CDH18: variants seen among roughly 807,000 people sequenced by gnomAD.
CDH18 encodes cadherin 18, also known as cadherin-18.
In CDH18, 31 loss-of-function variants were observed where a neutral mutation model predicts 67.9. The ratio of observed to expected loss-of-function variants is 0.46; its 90% CI spans 0.34 to 0.62. The LOEUF (loss-of-function observed/expected upper bound fraction) is 0.62. Among genes scored for constraint, CDH18 ranks in the 20% least tolerant of loss-of-function variants. CDH18 has a pLI of 0.01. For missense variants in CDH18, 890 were observed against 975.5 expected (o/e 0.91, Z 1.17); for synonymous variants, 362 against 347.2 (o/e 1.04, Z -0.48).
chr5:19,575,310 T>C (rs551509613), intron 7 of CDH18, among the ~76,000 whole-genome samples: 14 of 152,180 alleles, frequency 9.2e-5, no homozygotes, highest in Admixed American at 9.2e-4. Flanking sequence ...TATTCCAACA[T>C]TCACCATGGT....
At chr5:20,286,373 A>C (rs189474804) in intron 1 of CDH18, among the ~76,000 whole-genome samples, 144 of 151,746 alleles carry the variant, frequency 9.5e-4, no homozygotes, top group African/African-American at 3.3e-3. Context: ...AATAATAACC[A>C]CTTATATGTT....
chr5:20,566,806 C>T (rs1402257819), intron 1 of CDH18, among the ~76,000 whole-genome samples: 2 of 151,974 alleles, frequency 1.3e-5, no homozygotes, highest in African/African-American at 4.8e-5. Context: ...ATCACCATTA[C>T]GAACAAAGAG....
intron 1 of CDH18, among the ~76,000 whole-genome samples, chr5:20,438,201 G>T (rs565879641): frequency 6.7e-6 from 1 of 149,820 alleles, no homozygotes. Context: ...AATGAATTTT[G>T]TATAGAGTCA....
intron 2 of CDH18, among the ~76,000 whole-genome samples, chr5:19,910,459 T>C (rs1342777612): frequency 6.6e-6 from 1 of 152,172 alleles, no homozygotes; most frequent in Non-Finnish European, 1.5e-5. Context: ...TTTCAGAATT[T>C]AGCTCTATTC....
At chr5:19,531,548 G>T (rs1348332376) in intron 9 of CDH18, among the ~76,000 whole-genome samples, 1 of 151,832 alleles carries the variant, frequency 6.6e-6, no homozygotes, top group Non-Finnish European at 1.5e-5. Context: ...CTCGAACATG[G>T]TATTTTGTTT....
intron 8 of CDH18, among the ~76,000 whole-genome samples, chr5:19,556,679 T>C (rs1738499539): frequency 6.6e-6 from 1 of 151,882 alleles, no homozygotes; most frequent in Non-Finnish European, 1.5e-5. Flanking sequence ...AGAAGAGAAA[T>C]ATAGGAGTTT....
intron 1 of CDH18, among the ~76,000 whole-genome samples, chr5:20,346,104 G>A (rs567760922): frequency 5.3e-5 from 8 of 152,148 alleles, no homozygotes; most frequent in East Asian, 3.9e-4. Context: ...AAATCCAACC[G>A]TTTAGAATGG....
In CDH18 at chr5:19,661,208, G is replaced by C. The variant is rs150174109; in HGVS notation, c.644-48607C>G. Among the ~76,000 whole-genome samples the C allele has an allele frequency of 1.4e-3, 215 of 150,928 alleles. 1 individual carries two copies. Among genetic ancestry groups the C allele is most frequent in the Non-Finnish European group, 2.4e-3 (163 of 67,724 alleles). ...TCCCTTTAATTTTCTTTTACTTTTT[G>C]AGTTTCCAAATAAACATCCCAAAAC... On this transcript the variant is annotated intron_variant, in intron 5 of 12. Transcript: ENST00000382275.
chr5:20,515,477 T>G (rs1422621378), intron 1 of CDH18, among the ~76,000 whole-genome samples: 1 of 152,072 alleles, frequency 6.6e-6, no homozygotes, highest in Non-Finnish European at 1.5e-5. Flanking sequence ...ATCCCATTTC[T>G]ATTCACTTTT....
At chr5:20,517,522 CAAAGT>C (rs1198310565) in intron 1 of CDH18, among the ~76,000 whole-genome samples, 1 of 151,714 alleles carries the variant, frequency 6.6e-6, no homozygotes, top group Non-Finnish European at 1.5e-5. Context: ...TTTTAAAATA[CAAAGT>C]AGACAATTAA....
intron 7 of CDH18, among the ~76,000 whole-genome samples, chr5:19,575,002 G>A (rs555996798): frequency 3.9e-5 from 6 of 152,202 alleles, no homozygotes; most frequent in Non-Finnish European, 7.4e-5. Flanking sequence ...TCATGCCACC[G>A]CACTCCAGCC....
At chr5:19,799,466 AC>A (rs1777214458) in intron 3 of CDH18, among the ~76,000 whole-genome samples, 1 of 151,748 alleles carries the variant, frequency 6.6e-6, no homozygotes, top group Non-Finnish European at 1.5e-5. Context: ...ACACACACAC[AC>A]ACACACCACA....
intron 2 of CDH18, among the ~76,000 whole-genome samples, chr5:20,206,543 G>A (rs1197288815): frequency 2.0e-5 from 3 of 151,814 alleles, no homozygotes; most frequent in African/African-American, 7.3e-5. Flanking sequence ...GAAAAGTATA[G>A]GTCAGTGTTA....
At chr5:19,685,627 G>C (rs762716088) in intron 5 of CDH18, among the ~76,000 whole-genome samples, 8 of 152,118 alleles carry the variant, frequency 5.3e-5, no homozygotes, top group Non-Finnish European at 1.0e-4. Flanking sequence ...AGATATAGAC[G>C]CATCCAGGCA....
chr5:19,595,709 C>T (rs1318172580), intron 6 of CDH18, among the ~76,000 whole-genome samples: 2 of 152,154 alleles, frequency 1.3e-5, no homozygotes, highest in Non-Finnish European at 2.9e-5. Context: ...GGTTGACACA[C>T]GTGTTCATGT....
At chr5:19,973,878 G>T (rs1798256316) in intron 2 of CDH18, among the ~76,000 whole-genome samples, 1 of 151,970 alleles carries the variant, frequency 6.6e-6, no homozygotes, top group Admixed American at 6.6e-5. Context: ...TTTCATATTG[G>T]GATCCTTGGA....
chr5:19,516,385 C>T (rs180718191), intron 10 of CDH18, among the ~76,000 whole-genome samples: 2 of 152,130 alleles, frequency 1.3e-5, no homozygotes, highest in African/African-American at 2.4e-5. Flanking sequence ...GGGAGGATTC[C>T]CTCTTTTTCT....
intron 2 of CDH18, among the ~76,000 whole-genome samples, chr5:20,131,973 T>C (rs1191459866): frequency 2.0e-5 from 3 of 152,044 alleles, no homozygotes; most frequent in Non-Finnish European, 2.9e-5. Context: ...CTGCGACCTC[T>C]ACCTCCCGGG....
At chr5:20,069,137 T>A (rs1030610499) in intron 2 of CDH18, among the ~76,000 whole-genome samples, 2 of 152,028 alleles carry the variant, frequency 1.3e-5, no homozygotes, top group African/African-American at 4.8e-5. Flanking sequence ...TTTATGTTGG[T>A]TGTCATTCAA....
Sources: gnomAD v4.1 joint callset for allele counts (sites outside exome capture counted in the v4.1 genomes callset) on GRCh38, gnomAD v4.1.1 for gene constraint, MANE v1.5 for transcripts, NCBI Gene and HGNC (gene_info 2026-07-23, HGNC 2026-07-21) for gene names.